Variants in MTM1 observed in about 807,000 individuals in gnomAD.
MTM1 encodes the protein myotubularin.
A neutral mutation model predicts 52.1 loss-of-function variants in MTM1; 9 were observed. The observed-to-expected ratio is 0.17, with a 90% CI of 0.10 to 0.30. MTM1 has a LOEUF of 0.30. Among genes scored for constraint, MTM1 ranks in the 10% least tolerant of loss-of-function variants. MTM1 has a pLI of 1.00. For synonymous variants in MTM1, 136 were observed against 163.8 expected, an observed-to-expected ratio of 0.83 and a Z score of 1.29; for missense variants, 277 against 470.7, an observed-to-expected ratio of 0.59 and a Z score of 3.81.
chrX:150,566,433 C>G (rs1557411235), upstream of MTM1, among the ~76,000 whole-genome samples: 2 of 111,921 alleles, frequency 1.8e-5, no homozygotes, highest in Non-Finnish European at 3.8e-5. Context: ...CCACCGCGCC[C>G]AGCCCATAGT....
intron 6 of MTM1, among the ~76,000 whole-genome samples, chrX:150,626,696 C>A (rs782694419): frequency 2.7e-5 from 3 of 111,200 alleles, no homozygotes; most frequent in Admixed American, 9.5e-5. Flanking sequence ...ATTTAGTGGA[C>A]CCTTACTTTC....
At chrX:150,562,839 C>T in the MTM1 span, among the ~76,000 whole-genome samples, 13 of 111,604 alleles carry the variant, frequency 1.2e-4, no homozygotes, top group East Asian at 3.1e-3. Flanking sequence ...ATAGCAGTCT[C>T]GTCTGCCCAG....
At chrX:150,583,067 A>G (rs965833108) in intron 1 of MTM1, among the ~76,000 whole-genome samples, 3 of 88,664 alleles carry the variant, frequency 3.4e-5, no homozygotes, top group African/African-American at 1.3e-4. Flanking sequence ...TATAATTTAT[A>G]TATTTAAATA....
At chrX:150,654,203 G>A (rs2040074412) in intron 10 of MTM1, among the ~76,000 whole-genome samples, 1 of 112,054 alleles carries the variant, frequency 8.9e-6, no homozygotes, top group Middle Eastern at 4.2e-3. Flanking sequence ...GTGATCGTGG[G>A]AATTAATACT....
intron 1 of MTM1, among the ~76,000 whole-genome samples, chrX:150,579,927 A>T (rs782626419): frequency 9.0e-6 from 1 of 111,656 alleles, no homozygotes; most frequent in South Asian, 3.7e-4. Context: ...TTTTTGTAGT[A>T]TTCTTAGGAT....
upstream of MTM1, among the ~76,000 whole-genome samples, chrX:150,568,437 C>G (rs1234348811): frequency 8.8e-6 from 1 of 113,696 alleles, no homozygotes; most frequent in Non-Finnish European, 1.9e-5. Flanking sequence ...CCAGCAGCCT[C>G]TCGGGCGAAG....
chrX:150,655,730 G>A (rs187680491), intron 10 of MTM1, among the ~76,000 whole-genome samples: 135 of 111,871 alleles, frequency 1.2e-3, no homozygotes, highest in Non-Finnish European at 2.1e-3. Flanking sequence ...AGTTGCCTGG[G>A]GCTCAAGGTG....
chrX:150,566,188 T>C (rs782726306), upstream of MTM1, among the ~76,000 whole-genome samples: 2 of 111,538 alleles, frequency 1.8e-5, no homozygotes, highest in South Asian at 3.8e-4. Flanking sequence ...CAGGCTGAAG[T>C]GTAGTGGTGC....
intron 3 of MTM1, among the ~76,000 whole-genome samples, chrX:150,597,269 T>C (rs2038992964): frequency 8.9e-6 from 1 of 111,960 alleles, no homozygotes. Context: ...AGATCTGGGT[T>C]GTTTAGCTTA....
intron 6 of MTM1, among the ~76,000 whole-genome samples, chrX:150,631,923 G>A (rs1459288996): frequency 5.4e-5 from 6 of 111,289 alleles, no homozygotes; most frequent in African/African-American, 2.0e-4. Context: ...AGAGGTTCTC[G>A]TTGCATTAAT....
intron 10 of MTM1, among the ~76,000 whole-genome samples, chrX:150,653,445 C>A: frequency 8.9e-6 from 1 of 112,199 alleles, no homozygotes; most frequent in Non-Finnish European, 1.9e-5. Flanking sequence ...TCTGTCTTCT[C>A]AAAATCACTA....
At chrX:150,586,892 C>T (rs1050004644) in intron 1 of MTM1, among the ~76,000 whole-genome samples, 7 of 93,014 alleles carry the variant, frequency 7.5e-5, no homozygotes, top group Middle Eastern at 6.8e-3. Flanking sequence ...CCAGCCTGAG[C>T]GACAGAGTGA....
chrX:150,650,259 G>T (rs1557414147), intron 10 of MTM1, among the ~76,000 whole-genome samples: 1 of 108,301 alleles, frequency 9.2e-6, no homozygotes, highest in Non-Finnish European at 1.9e-5. Flanking sequence ...TTTTTTTGTT[G>T]TTTTTTGTTT....
chrX:150,647,274 A>G (rs2039952263), intron 9 of MTM1, among the ~76,000 whole-genome samples: 1 of 106,339 alleles, frequency 9.4e-6, no homozygotes. Flanking sequence ...ATAGCATTAC[A>G]ATGAAGTATT....
intron 13 of MTM1, among the ~76,000 whole-genome samples, chrX:150,660,830 G>A (rs1396238204): frequency 9.0e-5 from 10 of 110,588 alleles, no homozygotes; most frequent in Non-Finnish European, 1.9e-4. Context: ...AAGCAAGAGA[G>A]AGGGGAGAGG....
At chrX:150,651,125 A>G (rs1489433415) in intron 10 of MTM1, among the ~76,000 whole-genome samples, 2 of 112,260 alleles carry the variant, frequency 1.8e-5, no homozygotes, top group African/African-American at 6.5e-5. Context: ...TCATATGTGA[A>G]CCTCCTTAAA....
At chrX:150,662,081 A>C (rs1466920243) in intron 13 of MTM1, among the ~76,000 whole-genome samples, 1 of 111,830 alleles carries the variant, frequency 8.9e-6, no homozygotes, top group African/African-American at 3.3e-5. Flanking sequence ...ACTGGGGGAA[A>C]AACACAATTG....
At chrX:150,583,931 A>ATATATATAT (rs1569565356) in intron 1 of MTM1, among the ~76,000 whole-genome samples, 549 of 53,650 alleles carry the variant, frequency 0.01, 50 homozygotes, top group African/African-American at 0.016. Flanking sequence ...TATATATTAA[A>ATATATATAT]TTAAAATATA....
intron 6 of MTM1, among the ~76,000 whole-genome samples, chrX:150,629,975 G>A (rs2039638253): frequency 8.9e-6 from 1 of 112,353 alleles, no homozygotes; most frequent in Non-Finnish European, 1.9e-5. Flanking sequence ...ATTGCCCAGT[G>A]AATGTGCTTC....
Sources: allele counts gnomAD v4.1 joint callset (sites outside exome capture counted in the v4.1 genomes callset), GRCh38; gene constraint gnomAD v4.1.1; transcripts MANE v1.5; gene names NCBI Gene and HGNC (gene_info 2026-07-23, HGNC 2026-07-21).